The following EDIL3 variants were observed in gnomAD, a reference collection of about 807,000 sequenced individuals.
The protein encoded by EDIL3 is EGF like and discoidin domains 3.
A neutral mutation model predicts 67.4 loss-of-function variants in EDIL3; 37 were observed. The ratio of observed to expected loss-of-function variants is 0.55; its 90% CI spans 0.42 to 0.72. The LOEUF (loss-of-function observed/expected upper bound fraction) is 0.72. Ranked by LOEUF, EDIL3 falls within the 30% of genes least tolerant of loss-of-function variation. The pLI is 0.00. For missense variants in EDIL3, 527 were observed against 586.3 expected, an observed-to-expected ratio of 0.90 and a Z score of 1.04; for synonymous variants, 195 against 196.3, an observed-to-expected ratio of 0.99 and a Z score of 0.05.
At chr5:84,296,911 G>A (rs894242086) in intron 1 of EDIL3, among the ~76,000 whole-genome samples, 10 of 152,082 alleles carry the variant, frequency 6.6e-5, no homozygotes, top group African/African-American at 1.7e-4. Context: ...GGTCAGGTTC[G>A]CTGGCTCACG....
intron 6 of EDIL3, among the ~76,000 whole-genome samples, chr5:84,087,709 T>C (rs1220971873): frequency 6.6e-6 from 1 of 152,146 alleles, no homozygotes; most frequent in Non-Finnish European, 1.5e-5. Context: ...ATATCTTACA[T>C]AGTCTAATTA....
Position 84,313,723 on chromosome 5 carries a change from C to T in EDIL3, c.68-59511G>A, listed in dbSNP as rs371780073. 1.0e-3 allele frequency among the ~76,000 whole-genome samples: 154 copies of T among 152,284 alleles called. 2 individuals carry two copies. Among genetic ancestry groups the T allele is most frequent in the African/African-American group, 3.4e-3 (142 of 41,554 alleles). On this transcript the variant is annotated intron_variant, in intron 1 of 10. Coordinates refer to ENST00000296591, the MANE Select transcript of EDIL3 (RefSeq NM_005711.5). ...AATCCCAATGCCCAGGCCACATCTC[C>T]GACCAATTAAATCAGAATCTCTGTG...
At chr5:84,334,220 C>T (rs531743163) in intron 1 of EDIL3, among the ~76,000 whole-genome samples, 78 of 151,984 alleles carry the variant, frequency 5.1e-4, no homozygotes, top group African/African-American at 1.4e-3. Flanking sequence ...CACCACCACA[C>T]GCGCCTAATT....
At chr5:84,329,837 T>G (rs111724363) in intron 1 of EDIL3, among the ~76,000 whole-genome samples, 417 of 152,168 alleles carry the variant, frequency 2.7e-3, no homozygotes, top group Admixed American at 7.9e-3. Context: ...TACTGTCAAA[T>G]AAGAAGAAAG....
At position 83,943,014 on chromosome 5, in the gene EDIL3, C is replaced by G. The variant is rs1301962606; in HGVS notation, c.*405G>C. On this transcript the variant is annotated 3_prime_UTR_variant, in exon 11 of 11. Transcript: ENST00000296591. ...ACTTATTGCTAACATTGCAGTATTC[C>G]TTTTATCAGAATTAGGTGAGTATTG... is the stretch of plus-strand genomic sequence containing the variant. The G allele has an allele frequency of 1.1e-5, 2 of 186,584 alleles. No individual in the cohort carries two copies. The highest frequency in any genetic ancestry group is 2.3e-5 in the Non-Finnish European group (2 of 88,656). 11.6% of individuals were successfully genotyped at this position (186,584 alleles called of 1,614,324 possible). A position where few individuals can be genotyped will look rare whatever the true frequency, so the allele number is the denominator to read the frequency against.
chr5:84,002,849 A>G (rs566575364), intron 9 of EDIL3, among the ~76,000 whole-genome samples: 2 of 152,202 alleles, frequency 1.3e-5, no homozygotes, highest in Non-Finnish European at 2.9e-5. Context: ...GGTACTCTCT[A>G]TGGAGAGAAG....
At chr5:84,268,029 C>T (rs931272466) in intron 1 of EDIL3, among the ~76,000 whole-genome samples, 94 of 152,152 alleles carry the variant, frequency 6.2e-4, no homozygotes, top group South Asian at 4.2e-4. Context: ...CCCAGCTACT[C>T]GGGAGGCTGA....
chr5:83,963,029 A>G (rs1220772537), intron 10 of EDIL3, among the ~76,000 whole-genome samples, 176 bp downstream of exon 10: 3 of 151,712 alleles, frequency 2.0e-5, no homozygotes, highest in Admixed American at 6.6e-5. Flanking sequence ...GCACCATTGC[A>G]TACCAGACTG....
At chr5:84,046,870 C>T (rs1379422241) in intron 9 of EDIL3, among the ~76,000 whole-genome samples, 1 of 152,146 alleles carries the variant, frequency 6.6e-6, no homozygotes, top group Non-Finnish European at 1.5e-5. Context: ...TAATTTCTGT[C>T]GTGGTTTTTC....
chr5:83,970,580 C>A (rs1744773696), intron 9 of EDIL3, among the ~76,000 whole-genome samples: 1 of 143,638 alleles, frequency 7.0e-6, no homozygotes, highest in South Asian at 2.1e-4. Context: ...TTATTTTATT[C>A]TTTCTTGCCC....
chr5:84,075,586 C>T (rs1297422441), intron 6 of EDIL3, among the ~76,000 whole-genome samples: 1 of 152,102 alleles, frequency 6.6e-6, no homozygotes, highest in Non-Finnish European at 1.5e-5. Context: ...AGCAATTCTC[C>T]TGCCTTAGCC....
intron 9 of EDIL3, among the ~76,000 whole-genome samples, chr5:83,996,854 G>A (rs527921046): frequency 1.3e-5 from 2 of 152,246 alleles, no homozygotes; most frequent in South Asian, 4.1e-4. Context: ...TATAAATACA[G>A]AATATTATGC....
intron 1 of EDIL3, among the ~76,000 whole-genome samples, chr5:84,309,313 G>GTTTTTTTTTTTTTTTTTTTTTTTTTTT: frequency 1.1e-5 from 1 of 89,306 alleles, no homozygotes; most frequent in Non-Finnish European, 2.5e-5. Context: ...TTTTTTCTTT[G>GTTTTTTTTTTTTTTTTTTTTTTTTTTT]TTTTTTTTTT....
chr5:83,982,541 T>A (rs2112150154), intron 9 of EDIL3, among the ~76,000 whole-genome samples: 1 of 152,250 alleles, frequency 6.6e-6, no homozygotes, highest in East Asian at 1.9e-4. Flanking sequence ...TTCTAACTCA[T>A]ATTTAAGGGC....
chr5:84,231,014 TA>T (rs1241546657), intron 2 of EDIL3, among the ~76,000 whole-genome samples: 2 of 152,154 alleles, frequency 1.3e-5, no homozygotes. Context: ...ACCCTGTAAG[TA>T]TATTAGAATT....
At chr5:84,155,822 T>C (rs1436199169) in intron 4 of EDIL3, among the ~76,000 whole-genome samples, 1 of 152,226 alleles carries the variant, frequency 6.6e-6, no homozygotes, top group African/African-American at 2.4e-5. Context: ...TGAATCATAC[T>C]TTCTTCCTCT....
chr5:84,198,043 T>C (rs2112374943), intron 3 of EDIL3, among the ~76,000 whole-genome samples: 1 of 152,154 alleles, frequency 6.6e-6, no homozygotes, highest in East Asian at 1.9e-4. Flanking sequence ...ACATTTTAAA[T>C]ACAACTATGG....
intron 9 of EDIL3, among the ~76,000 whole-genome samples, chr5:84,054,184 A>G (rs1746399080): frequency 6.6e-6 from 1 of 152,256 alleles, no homozygotes; most frequent in Non-Finnish European, 1.5e-5. Context: ...AATCCAGCAT[A>G]TAAACAGAAC....
chr5:84,137,828 A>T (rs1050700061), intron 4 of EDIL3, among the ~76,000 whole-genome samples: 2 of 152,218 alleles, frequency 1.3e-5, no homozygotes, highest in African/African-American at 4.8e-5. Context: ...TCTTTGATGA[A>T]TACGATGAGA....
Sources: gnomAD v4.1 joint callset for allele counts (sites outside exome capture counted in the v4.1 genomes callset) on GRCh38, gnomAD v4.1.1 for gene constraint, MANE v1.5 for transcripts, NCBI Gene and HGNC (gene_info 2026-07-23, HGNC 2026-07-21) for gene names.